TXNRD2: variants seen among roughly 807,000 people sequenced by gnomAD.
The protein encoded by TXNRD2 is thioredoxin reductase 2, mitochondrial.
In TXNRD2, 67 loss-of-function variants were observed where a neutral mutation model predicts 70.8. The observed-to-expected ratio is 0.95, with a 90% CI of 0.78 to 1.16. The LOEUF (loss-of-function observed/expected upper bound fraction) is 1.16, where lower values mean the gene tolerates loss of function less well. TXNRD2 is among the 50% of genes most tolerant of loss of function. TXNRD2 has a pLI of 0.00. For missense variants in TXNRD2, 644 were observed against 719.9 expected, an observed-to-expected ratio of 0.89 and a Z score of 1.21; for synonymous variants, 301 against 295.8, an observed-to-expected ratio of 1.02 and a Z score of -0.18.
At chr22:19,934,537 A>G (rs1487093133) in intron 1 of TXNRD2, among the ~76,000 whole-genome samples, 1 of 151,848 alleles carries the variant, frequency 6.6e-6, no homozygotes, top group African/African-American at 2.4e-5. Flanking sequence ...ACATTTATCA[A>G]TTCCCAAGTA....
chr22:19,917,235 G>A (rs570697222), intron 5 of TXNRD2, among the ~76,000 whole-genome samples: 52 of 152,310 alleles, frequency 3.4e-4, no homozygotes, highest in Admixed American at 5.9e-4. Context: ...AGCTGCCCAG[G>A]GCAGGGAGGA....
chr22:19,897,702 G>A (rs1392118623), intron 10 of TXNRD2, among the ~76,000 whole-genome samples: 2 of 152,140 alleles, frequency 1.3e-5, no homozygotes, highest in African/African-American at 4.8e-5. Context: ...TCTGAGGTGG[G>A]GCTAACACTT....
intron 8 of TXNRD2, among the ~76,000 whole-genome samples, chr22:19,899,298 G>T (rs1939664624): frequency 6.6e-6 from 1 of 152,212 alleles, no homozygotes; most frequent in South Asian, 2.1e-4. Context: ...GTGTGTCAGT[G>T]ACAAGTGGTA....
At chr22:19,891,458 T>C (rs1243914082) in intron 11 of TXNRD2, 1 of 152,484 alleles carries the variant, frequency 6.6e-6, no homozygotes, top group East Asian at 1.9e-4. Context: ...AAGGGGCACA[T>C]GAAGATCTCA....
intron 2 of TXNRD2, 115 bp downstream of exon 2, chr22:19,930,915 T>G (rs1601480416): frequency 5.6e-5 from 51 of 902,860 alleles, no homozygotes; most frequent in Non-Finnish European, 7.3e-5. Flanking sequence ...GCCACTGGGG[T>G]GACCCCAGCA....
chr22:19,927,788 G>A (rs1028086479), intron 2 of TXNRD2, among the ~76,000 whole-genome samples: 1 of 152,058 alleles, frequency 6.6e-6, no homozygotes, highest in Admixed American at 6.6e-5. Context: ...CCAACTGCCT[G>A]ACTCCAGTAT....
intron 8 of TXNRD2, among the ~76,000 whole-genome samples, chr22:19,909,934 ACT>A (rs1940322600): frequency 1.2e-5 from 1 of 83,606 alleles, no homozygotes; most frequent in African/African-American, 5.3e-5. Context: ...CACACACACC[ACT>A]CACACACCAC....
chr22:19,898,933 G>A, intron 9 of TXNRD2, 116 bp downstream of exon 9: 1 of 1,344,602 alleles, frequency 7.4e-7, no homozygotes, highest in Non-Finnish European at 1.0e-6. Context: ...GAGAGGCCCA[G>A]TAAGTGCCGA....
At chr22:19,913,851 A>C (rs946762388) in intron 7 of TXNRD2, among the ~76,000 whole-genome samples, 1 of 152,200 alleles carries the variant, frequency 6.6e-6, no homozygotes, top group South Asian at 2.1e-4. Context: ...AGCCCTCAGC[A>C]AAGACCGGGA....
rs868738013 is a variant in TXNRD2, at chr22:19,888,175, G to A, written c.950-4714C>T. On this transcript the variant is annotated intron_variant, in intron 11 of 17. Transcript: ENST00000400521. ...GGCCCAGCAGTGCAGCACCCCTGAC[G>A]CAGGACAGCCCATCTCCATGTGTGG... 7.9e-5 allele frequency among the ~76,000 whole-genome samples: 12 copies of A among 152,310 alleles called. No individual in the cohort carries two copies. The Middle Eastern group carries it at 0.01, about 130-fold the overall frequency.
At chr22:19,899,027 C>T (rs923356621) in intron 9 of TXNRD2, 22 bp downstream of exon 9, 15 of 1,605,478 alleles carry the variant, frequency 9.3e-6, no homozygotes, top group Admixed American at 1.7e-5. Context: ...AGGACGGCCA[C>T]CTGCACGCTT....
At chr22:19,925,012 T>TGC (rs1941068830) in intron 2 of TXNRD2, among the ~76,000 whole-genome samples, 3 of 148,676 alleles carry the variant, frequency 2.0e-5, no homozygotes, top group Admixed American at 1.3e-4. Flanking sequence ...GGGCCAGGCA[T>TGC]GGTGGCTCAC....
intron 7 of TXNRD2, among the ~76,000 whole-genome samples, chr22:19,912,767 C>T (rs1248990057): frequency 1.3e-5 from 2 of 152,228 alleles, no homozygotes; most frequent in Non-Finnish European, 1.5e-5. Context: ...GGCTGCCTGG[C>T]GGCCAGACAA....
intron 7 of TXNRD2, among the ~76,000 whole-genome samples, chr22:19,912,989 T>A (rs1940481642): frequency 6.6e-6 from 1 of 152,200 alleles, no homozygotes; most frequent in Admixed American, 6.5e-5. Flanking sequence ...TTCAAGAGCT[T>A]GGCTGCAGCC....
chr22:19,888,536 G>A (rs1020888677), intron 11 of TXNRD2, among the ~76,000 whole-genome samples: 10 of 152,228 alleles, frequency 6.6e-5, no homozygotes, highest in African/African-American at 1.7e-4. Context: ...AGGAGGCAGC[G>A]CCCCAGGTGA....
At chr22:19,929,584 G>A (rs1941281903) in intron 2 of TXNRD2, among the ~76,000 whole-genome samples, 1 of 152,134 alleles carries the variant, frequency 6.6e-6, no homozygotes, top group African/African-American at 2.4e-5. Flanking sequence ...CATGCACAGA[G>A]GGACGACAAC....
At position 19,895,462 on chromosome 22, in the gene TXNRD2, G is replaced by C. The variant is rs1364780207; in HGVS notation, c.894C>G (p.Asp298Glu). The change falls in exon 11 of 18, where the codon GAC becomes GAG. Residue 298 changes from aspartate (D) to glutamate (E), a missense_variant. Physicochemically the swap from Asp to Glu is conservative, Grantham distance 45 (BLOSUM62 2). Around this residue, in one of 3 missense-constraint regions of TXNRD2, gnomAD observed 566 missense variants for 645.0 expected, o/e 0.88. Transcript: ENST00000400521. Reference sequence around the variant, plus strand: ...CCGTGTCCTCCTTGCCGGTGGTGCTGTCCTCCCAGGTGACCTGCAGCTGGC... The same window carrying C: ...CCGTGTCCTCCTTGCCGGTGGTGCTCTCCTCCCAGGTGACCTGCAGCTGGC... ...PDGQLQVTWE[D>E]STTGKEDTGT... The C allele has an allele frequency of 1.9e-6, 3 of 1,613,914 alleles. No homozygotes were observed. The highest frequency in any genetic ancestry group is 2.5e-6 in the Non-Finnish European group (3 of 1,180,012).
At chr22:19,891,469 A>C (rs1314414844) in intron 11 of TXNRD2, 1 of 152,478 alleles carries the variant, frequency 6.6e-6, no homozygotes, top group African/African-American at 2.4e-5. Flanking sequence ...GAAGATCTCA[A>C]CTTCCAGTTT....
At chr22:19,908,043 C>T (rs1237370029) in intron 8 of TXNRD2, among the ~76,000 whole-genome samples, 3 of 103,794 alleles carry the variant, frequency 2.9e-5, no homozygotes, top group South Asian at 5.3e-4. Context: ...AGAGTGTGGG[C>T]GCCGTGGGTA....
Sources: gnomAD v4.1 joint callset for allele counts (sites outside exome capture counted in the v4.1 genomes callset) on GRCh38, gnomAD v4.1.1 for gene constraint, gnomAD v4.1.1 regional missense constraint, MANE v1.5 for transcripts, NCBI Gene and HGNC (gene_info 2026-07-23, HGNC 2026-07-21) for gene names.